TMEM131L: variants seen among roughly 807,000 people sequenced by gnomAD.
TMEM131L encodes the protein transmembrane protein 131-like.
TMEM131L carries 54 observed loss-of-function variants against 192.2 expected under a neutral mutation model. The observed-to-expected ratio is 0.28, with a 90% CI of 0.23 to 0.35. The LOEUF is 0.35. TMEM131L is among the 10% of genes least tolerant of loss of function. The pLI, the probability that TMEM131L is intolerant of heterozygous loss-of-function variation, is 1.00. For missense variants in TMEM131L, 1,888 were observed against 1,972.9 expected, an observed-to-expected ratio of 0.96 and a Z score of 0.82; for synonymous variants, 701 against 704.9, an observed-to-expected ratio of 0.99 and a Z score of 0.09.
At chr4:153,514,617 G>GC (rs1387101746) in intron 3 of TMEM131L, among the ~76,000 whole-genome samples, 2 of 152,038 alleles carry the variant, frequency 1.3e-5, no homozygotes, top group African/African-American at 4.8e-5. Context: ...ATCATTAGTA[G>GC]CCCCATTTTA....
intron 34 of TMEM131L, 48 bp from the exon 35 acceptor site, chr4:153,636,253 C>CTT: frequency 6.7e-7 from 1 of 1,489,672 alleles, no homozygotes; most frequent in Non-Finnish European, 9.1e-7. Context: ...CTTTCTAAGG[C>CTT]TTTTTTTTTT....
At chr4:153,598,507 T>C in intron 20 of TMEM131L, 83 bp from the exon 21 acceptor site, 1 of 1,172,008 alleles carries the variant, frequency 8.5e-7, no homozygotes, top group South Asian at 1.5e-5. Flanking sequence ...ATATTCTTGA[T>C]AACTGGGAAT....
Position 153,481,219 on chromosome 4 carries a change from T to C in TMEM131L, c.239+7331T>C, listed in dbSNP as rs557626008. 8.5e-5 allele frequency among the ~76,000 whole-genome samples: 13 copies of C among 152,304 alleles called. No homozygotes were observed. The South Asian group carries it at 2.7e-3, about 32-fold the overall frequency. Reference sequence around the variant, plus strand: ...CCTGCTTTCCATAGCACCCTGGCACTTATCTTAGCAGAAGGCCGTTACTCC... The same window carrying C: ...CCTGCTTTCCATAGCACCCTGGCACCTATCTTAGCAGAAGGCCGTTACTCC... On this transcript the variant is annotated intron_variant, in intron 3 of 34. Transcript: ENST00000409959.
chr4:153,611,270 A>G (rs567727938), intron 25 of TMEM131L, among the ~76,000 whole-genome samples: 76 of 152,312 alleles, frequency 5.0e-4, no homozygotes, highest in African/African-American at 1.8e-3. Context: ...TTCTGTTTTC[A>G]TCTTTACAAC....
intron 3 of TMEM131L, among the ~76,000 whole-genome samples, chr4:153,520,117 G>A (rs946476894): frequency 1.3e-5 from 2 of 152,030 alleles, no homozygotes; most frequent in Non-Finnish European, 2.9e-5. Flanking sequence ...ATCTTTCTTG[G>A]TGCCAGTTTT....
chr4:153,546,127 G>A (rs987194080), intron 3 of TMEM131L, among the ~76,000 whole-genome samples: 2 of 151,950 alleles, frequency 1.3e-5, no homozygotes, highest in Non-Finnish European at 2.9e-5. Context: ...CTAGGCTTGA[G>A]CAATCCTCCC....
chr4:153,474,282 A>G (rs541527754), intron 3 of TMEM131L, among the ~76,000 whole-genome samples: 1 of 152,344 alleles, frequency 6.6e-6, no homozygotes, highest in Admixed American at 6.5e-5. Context: ...TATGCTTATG[A>G]CAAGAGCTAT....
At position 153,580,807 on chromosome 4, in the gene TMEM131L, T is replaced by C; in HGVS notation, c.661-19T>C. Reference sequence around the variant, plus strand: ...AGCCTTTTACTTAAAGTTCTTTTCCTCCTTTTTTCTTCTTTTAGGCAGAAA... The same window carrying C: ...AGCCTTTTACTTAAAGTTCTTTTCCCCCTTTTTTCTTCTTTTAGGCAGAAA... On this transcript the variant is annotated intron_variant, in intron 7 of 34. Transcript: ENST00000409959. The C allele has an allele frequency of 6.5e-7, 1 of 1,538,606 alleles. No individual in the cohort carries two copies. The highest frequency in any genetic ancestry group is 2.3e-5 in the East Asian group (1 of 44,428).
intron 3 of TMEM131L, among the ~76,000 whole-genome samples, chr4:153,488,042 G>A (rs1419137571): frequency 1.3e-5 from 2 of 150,366 alleles, no homozygotes. Context: ...ACTGAGGGGT[G>A]TGTGTGTGTA....
intron 3 of TMEM131L, among the ~76,000 whole-genome samples, chr4:153,512,362 C>T (rs1480714272): frequency 6.6e-6 from 1 of 152,144 alleles, no homozygotes; most frequent in Non-Finnish European, 1.5e-5. Context: ...GAACTGTGGG[C>T]AAAGGCTATC....
At chr4:153,550,030 T>C in intron 3 of TMEM131L, 43 bp from the exon 4 acceptor site, 4 of 995,670 alleles carry the variant, frequency 4.0e-6, no homozygotes, top group Admixed American at 5.8e-5. Context: ...AGCATTTAAA[T>C]GTTAAAACTA....
At chr4:153,561,963 C>CAAA (rs11384119) in intron 7 of TMEM131L, among the ~76,000 whole-genome samples, 4 of 141,958 alleles carry the variant, frequency 2.8e-5, no homozygotes, top group African/African-American at 7.7e-5. Flanking sequence ...ATCTGAATAT[C>CAAA]AAAAAAAAAA....
At chr4:153,473,115 C>G (rs1038071077) in intron 2 of TMEM131L, among the ~76,000 whole-genome samples, 1 of 152,168 alleles carries the variant, frequency 6.6e-6, no homozygotes, top group South Asian at 2.1e-4. Flanking sequence ...TGTGTCAGGG[C>G]CTGTGTGGGA....
intron 29 of TMEM131L, 56 bp downstream of exon 29, chr4:153,623,139 AC>A: frequency 6.9e-7 from 1 of 1,446,864 alleles, no homozygotes; most frequent in Non-Finnish European, 9.2e-7. Flanking sequence ...CTGCCCTCCC[AC>A]GTACCCAGTC....
intron 3 of TMEM131L, among the ~76,000 whole-genome samples, chr4:153,522,589 G>A (rs1229380701): frequency 6.6e-6 from 1 of 152,138 alleles, no homozygotes; most frequent in African/African-American, 2.4e-5. Context: ...CTCTCTTCTC[G>A]TTTGGCTCCA....
intron 18 of TMEM131L, 67 bp from the exon 19 acceptor site, chr4:153,593,732 A>T (rs767466547): frequency 1.5e-5 from 15 of 1,021,478 alleles, no homozygotes; most frequent in Non-Finnish European, 2.2e-5. Flanking sequence ...ATGTGCACAC[A>T]CTTATTAAAT....
chr4:153,577,477 T>C (rs910996081), intron 7 of TMEM131L, among the ~76,000 whole-genome samples: 1 of 152,188 alleles, frequency 6.6e-6, no homozygotes, highest in Admixed American at 6.5e-5. Context: ...CTTTGTAGGC[T>C]GTACAGTCTC....
chr4:153,502,805 G>T (rs575087286), intron 3 of TMEM131L, among the ~76,000 whole-genome samples: 1 of 152,222 alleles, frequency 6.6e-6, no homozygotes, highest in African/African-American at 2.4e-5. Flanking sequence ...TGATCTCTCT[G>T]CCCTGGAAGT....
At chr4:153,594,010 A>G in intron 19 of TMEM131L, 139 bp downstream of exon 19, 1 of 636,704 alleles carries the variant, frequency 1.6e-6, no homozygotes, top group Non-Finnish European at 2.8e-6. Flanking sequence ...GGCATTAACG[A>G]TACATAGCAG....
Sources: gnomAD v4.1 joint callset for allele counts (sites outside exome capture counted in the v4.1 genomes callset) on GRCh38, gnomAD v4.1.1 for gene constraint, MANE v1.5 for transcripts, NCBI Gene and HGNC (gene_info 2026-07-23, HGNC 2026-07-21) for gene names.